Variants in MYO9A observed in about 807,000 individuals in gnomAD.
The protein encoded by MYO9A is myosin IXA, also known as unconventional myosin-IXa.
Under a neutral mutation model 293.3 loss-of-function variants are expected in MYO9A, and 103 were observed. The ratio of observed to expected loss-of-function variants is 0.35; its 90% CI spans 0.30 to 0.41. The LOEUF (loss-of-function observed/expected upper bound fraction) is 0.41, where lower values mean the gene tolerates loss of function less well. MYO9A is among the 10% of genes least tolerant of loss of function. The probability of loss-of-function intolerance (pLI) is 1.00; values close to 1 mark genes in which losing one functional copy is unlikely to be tolerated. For synonymous variants in MYO9A, 1,001 were observed against 1,035.7 expected (o/e 0.97, Z 0.64); for missense variants, 2,685 against 3,033.0 (o/e 0.89, Z 2.69).
intron 3 of MYO9A, among the ~76,000 whole-genome samples, chr15:72,029,142 G>A (rs2149372300): frequency 6.6e-6 from 1 of 152,342 alleles, no homozygotes; most frequent in African/African-American, 2.4e-5. Flanking sequence ...TGGTGAAAGA[G>A]TGACTGGGTA....
At chr15:72,092,566 C>T (rs929710272) in intron 1 of MYO9A, among the ~76,000 whole-genome samples, 4 of 151,964 alleles carry the variant, frequency 2.6e-5, no homozygotes, top group African/African-American at 9.7e-5. Context: ...CCATCCTGGG[C>T]AACAGAGGGA....
At chr15:72,042,054 A>C (rs1462121233) in intron 2 of MYO9A, among the ~76,000 whole-genome samples, 3 of 151,692 alleles carry the variant, frequency 2.0e-5, no homozygotes, top group Admixed American at 2.0e-4. Context: ...CTCTTCCAAA[A>C]ATACGAGGAG....
At chr15:71,930,662 T>C (rs2058450608) in intron 18 of MYO9A, among the ~76,000 whole-genome samples, 2 of 152,198 alleles carry the variant, frequency 1.3e-5, no homozygotes, top group Admixed American at 1.3e-4. Flanking sequence ...AGGCACTCTG[T>C]GGCTTTTAAT....
intron 1 of MYO9A, among the ~76,000 whole-genome samples, 175 bp downstream of exon 1, chr15:72,117,504 TG>T: frequency 7.1e-6 from 1 of 141,094 alleles, no homozygotes; most frequent in South Asian, 2.2e-4. Context: ...ATACAGGGGG[TG>T]GGGTCTACTG....
At chr15:71,945,944 G>A (rs771026234) in intron 15 of MYO9A, among the ~76,000 whole-genome samples, 12 of 152,168 alleles carry the variant, frequency 7.9e-5, no homozygotes, top group Non-Finnish European at 1.3e-4. Context: ...TAGAATGAGC[G>A]TGGTATTAAG....
In MYO9A at chr15:71,850,085, C is replaced by T. The variant is rs756467042; in HGVS notation, c.6664G>A (p.Asp2222Asn). ...ACACTTTGTAGTGGGTCAGTGGTGT[C>T]AGGGCAGCGGAGAATGCAGGGCGCA... The part of the protein sequence containing the change: ...VFAPCILRCP[D>N]TTDPLQSVQD... Residue 2222 changes from aspartate to asparagine, a missense_variant, in exon 38 of 42, where the codon GAC (aspartate) becomes AAC (asparagine). This residue lies in a region of MYO9A where 238 missense variants were observed against 269.1 expected (regional missense o/e 0.88). Coordinates refer to ENST00000356056, the MANE Select transcript of MYO9A (RefSeq NM_006901.4). The T allele has an allele frequency of 6.2e-7, 1 of 1,614,056 alleles. No homozygotes were observed. The highest frequency in any genetic ancestry group is 8.5e-7 in the Non-Finnish European group (1 of 1,179,956).
At chr15:72,043,827 G>A (rs1371860138) in intron 2 of MYO9A, among the ~76,000 whole-genome samples, 1 of 151,900 alleles carries the variant, frequency 6.6e-6, no homozygotes, top group Non-Finnish European at 1.5e-5. Context: ...TTAAATATAC[G>A]CAGTTTACTG....
At chr15:71,992,051 G>A (rs150478331) in intron 10 of MYO9A, among the ~76,000 whole-genome samples, 25 of 152,002 alleles carry the variant, frequency 1.6e-4, no homozygotes, top group African/African-American at 4.6e-4. Flanking sequence ...CACCGTGCCC[G>A]GCCAGAACAT....
intron 2 of MYO9A, among the ~76,000 whole-genome samples, chr15:72,036,993 A>G (rs1382432109): frequency 6.6e-6 from 1 of 151,328 alleles, no homozygotes; most frequent in African/African-American, 2.4e-5. Context: ...TGAGCCTCCC[A>G]AAGTGCTGGG....
At chr15:71,835,270 T>C (rs2054893635) in intron 39 of MYO9A, among the ~76,000 whole-genome samples, 1 of 152,058 alleles carries the variant, frequency 6.6e-6, no homozygotes. Flanking sequence ...ACCACTTCCA[T>C]TCAACACTAT....
intron 1 of MYO9A, among the ~76,000 whole-genome samples, chr15:72,099,927 A>C (rs1200138076): frequency 1.3e-4 from 20 of 151,092 alleles, no homozygotes; most frequent in African/African-American, 4.8e-4. Flanking sequence ...AAAAAAAAAA[A>C]AAAAAAGCAA....
intron 26 of MYO9A, chr15:71,892,398 GC>G (rs1278740822): frequency 6.6e-6 from 1 of 152,144 alleles, no homozygotes; most frequent in African/African-American, 2.4e-5. Flanking sequence ...AAGTTTACAG[GC>G]AAAAAATGTA....
At chr15:72,049,515 A>T (rs2078489807) in intron 1 of MYO9A, among the ~76,000 whole-genome samples, 2 of 152,210 alleles carry the variant, frequency 1.3e-5, no homozygotes, top group African/African-American at 4.8e-5. Flanking sequence ...TACTAAGTTA[A>T]GGGGTCCCCA....
At chr15:72,106,584 G>C (rs181158086) in intron 1 of MYO9A, among the ~76,000 whole-genome samples, 65 of 152,118 alleles carry the variant, frequency 4.3e-4, no homozygotes, top group Non-Finnish European at 8.2e-4. Flanking sequence ...CATATTCAAA[G>C]AATAAAATCA....
intron 1 of MYO9A, among the ~76,000 whole-genome samples, chr15:72,086,648 GC>G (rs1186506146): frequency 2.0e-5 from 3 of 151,596 alleles, no homozygotes; most frequent in African/African-American, 7.3e-5. Context: ...TGTTGGGGGG[GC>G]CGGGGCAGTG....
chr15:71,919,364 G>A (rs1053575825), intron 18 of MYO9A, among the ~76,000 whole-genome samples: 18 of 152,130 alleles, frequency 1.2e-4, no homozygotes, highest in East Asian at 7.8e-4. Context: ...GATTGCTTGA[G>A]CTCAGGGGGC....
intron 26 of MYO9A, chr15:71,890,944 TGTA>T (rs1338551630): frequency 6.6e-6 from 1 of 152,188 alleles, no homozygotes; most frequent in East Asian, 1.9e-4. Context: ...ACTGTGAGAT[TGTA>T]GTAGATTTTA....
At chr15:71,840,953 C>T (rs1461807874) in intron 39 of MYO9A, among the ~76,000 whole-genome samples, 1 of 152,088 alleles carries the variant, frequency 6.6e-6, no homozygotes, top group Non-Finnish European at 1.5e-5. Context: ...TTGTACAAAT[C>T]TTTTACATTT....
In MYO9A at chr15:71,898,036, CT is replaced by C; in HGVS notation, c.4466del (p.Lys1489SerfsTer2). The stretch of plus-strand genomic sequence containing the variant: ...CCTTCTCAGTGTTTAGCTTTTCTAA[CT>C]TCTTAAGCACAGGATTAGAAGACTC... ...NTESSNPVLK[K>X]LEKLNTEKEE... On this transcript the variant is annotated frameshift_variant, in exon 25 of 42. Transcript: ENST00000356056. LOFTEE classifies it high-confidence loss of function. 1 of 1,614,118 alleles carries C rather than the reference CT, an allele frequency of 6.2e-7. No individual in the cohort carries two copies. Among genetic ancestry groups the C allele is most frequent in the Non-Finnish European group, 8.5e-7 (1 of 1,180,028 alleles).
Sources: gnomAD v4.1 joint callset for allele counts (sites outside exome capture counted in the v4.1 genomes callset) on GRCh38, gnomAD v4.1.1 for gene constraint, gnomAD v4.1.1 regional missense constraint, MANE v1.5 for transcripts, NCBI Gene and HGNC (gene_info 2026-07-23, HGNC 2026-07-21) for gene names.